NSUN6: variants seen among roughly 807,000 people sequenced by gnomAD.
NSUN6 encodes NOP2/Sun RNA methyltransferase 6.
NSUN6 carries 64 observed loss-of-function variants against 58.0 expected under a neutral mutation model. The ratio of observed to expected loss-of-function variants is 1.10; its 90% CI spans 0.90 to 1.36. The LOEUF is 1.36. Among genes scored for constraint, NSUN6 ranks in the 40% most tolerant of loss-of-function variants. The pLI is 0.00. For missense variants in NSUN6, 701 were observed against 550.1 expected, an observed-to-expected ratio of 1.27 and a Z score of -2.74; for synonymous variants, 231 against 193.9, an observed-to-expected ratio of 1.19 and a Z score of -1.59.
Position 18,545,880 on chromosome 10 carries a change from A to AAAAAAAG in NSUN6, c.*52_*53insCTTTTTT. The AAAAAAAG allele has an allele frequency of 9.2e-7, 1 of 1,085,454 alleles. No individual in the cohort carries two copies. Among genetic ancestry groups the AAAAAAAG allele is most frequent in the South Asian group, 1.4e-5 (1 of 74,070 alleles). The allele number at this position is 1,085,454 out of a possible 1,614,324, so 67.2% of individuals were successfully genotyped here. On this transcript the variant is annotated 3_prime_UTR_variant, in exon 11 of 11. Coordinates refer to ENST00000377304, the MANE Select transcript of NSUN6 (RefSeq NM_182543.5). ...ACAACACTTTGGTTAAAAAAAAAAA[A>AAAAAAAG]ACCACAGACAGCAAATGTTTGGAAT...
At chr10:18,560,138 A>G (rs1203687951) in intron 8 of NSUN6, among the ~76,000 whole-genome samples, 2 of 150,150 alleles carry the variant, frequency 1.3e-5, no homozygotes, top group African/African-American at 4.9e-5. Flanking sequence ...GAGAATGCAG[A>G]ATGGATAATA....
At chr10:18,558,235 G>C (rs1010662998) in intron 8 of NSUN6, among the ~76,000 whole-genome samples, 3 of 150,626 alleles carry the variant, frequency 2.0e-5, no homozygotes, top group Admixed American at 6.7e-5. Flanking sequence ...ATGGAATGGG[G>C]AGTAGTATGG....
chr10:18,625,425 G>A (rs974661361), intron 3 of NSUN6, among the ~76,000 whole-genome samples: 1 of 152,054 alleles, frequency 6.6e-6, no homozygotes, highest in African/African-American at 2.4e-5. Context: ...AAGCTAAGAG[G>A]AAATAGGCTG....
chr10:18,625,709 T>TG (rs2058770768), intron 3 of NSUN6, among the ~76,000 whole-genome samples: 1 of 95,948 alleles, frequency 1.0e-5, no homozygotes, highest in East Asian at 3.4e-4. Flanking sequence ...TGAGACTATG[T>TG]GTTTTTTTTT....
chr10:18,546,005 G>A lies in NSUN6; in HGVS notation c.1338C>T (p.Asp446=), dbSNP rs2054232094. Residue 446 remains aspartate (D), a synonymous_variant, in exon 11 of 11, where the codon GAC becomes GAT. Coordinates refer to ENST00000377304, the MANE Select transcript of NSUN6 (RefSeq NM_182543.5). ...AGTCCTTATTAGCCAGACGCAACAT[G>A]TCTTCTCTTCTGGCCTCTCTAAGAG... is the stretch of plus-strand genomic sequence containing the variant. The part of the protein sequence containing the change: ...MDSLREARRE[D]MLRLANKDSI... 1 of 1,582,864 alleles carries A rather than the reference G, an allele frequency of 6.3e-7. No individual in the cohort carries two copies. Among genetic ancestry groups the A allele is most frequent in the African/African-American group, 1.4e-5 (1 of 72,728 alleles).
At chr10:18,597,834 A>C (rs1202837696) in intron 6 of NSUN6, among the ~76,000 whole-genome samples, 2 of 152,242 alleles carry the variant, frequency 1.3e-5, no homozygotes, top group African/African-American at 2.4e-5. Flanking sequence ...AACATTCTCA[A>C]GGGAATCTAA....
At chr10:18,561,594 A>C (rs2130875062) in intron 8 of NSUN6, among the ~76,000 whole-genome samples, 1 of 138,426 alleles carries the variant, frequency 7.2e-6, no homozygotes, top group South Asian at 2.5e-4. Flanking sequence ...GATGGAATGG[A>C]GAATGGAATG....
intron 8 of NSUN6, among the ~76,000 whole-genome samples, chr10:18,554,372 T>C (rs111208087): frequency 0.012 from 1,700 of 144,342 alleles, 32 homozygotes; most frequent in African/African-American, 0.042. Flanking sequence ...GAGAATGAAA[T>C]GGAATGGAGT....
intron 2 of NSUN6, among the ~76,000 whole-genome samples, chr10:18,646,566 C>G (rs2059552701): frequency 6.6e-6 from 1 of 152,172 alleles, no homozygotes; most frequent in South Asian, 2.1e-4. Context: ...ATAATAAAGC[C>G]AGGCACAAGG....
chr10:18,652,011 T>C, upstream of NSUN6: 1 of 985,384 alleles, frequency 1.0e-6, no homozygotes, highest in Non-Finnish European at 1.2e-6. Flanking sequence ...ATGACATGAT[T>C]TTACCTCTCT....
intron 8 of NSUN6, among the ~76,000 whole-genome samples, chr10:18,578,666 A>T (rs972068499): frequency 2.0e-5 from 3 of 152,164 alleles, no homozygotes; most frequent in African/African-American, 7.2e-5. Flanking sequence ...CTCTCTACTG[A>T]AATACCTTCT....
chr10:18,599,022 A>C (rs934717378), intron 6 of NSUN6, among the ~76,000 whole-genome samples: 16 of 152,176 alleles, frequency 1.1e-4, no homozygotes, highest in African/African-American at 3.6e-4. Flanking sequence ...GGCTTAATTA[A>C]ATATTCAAAT....
chr10:18,637,720 T>C (rs2059264278), intron 3 of NSUN6, among the ~76,000 whole-genome samples: 1 of 152,188 alleles, frequency 6.6e-6, no homozygotes, highest in Non-Finnish European at 1.5e-5. Flanking sequence ...AAACTAAATG[T>C]CTATCAATGG....
chr10:18,651,811 T>G (rs1244539395), upstream of NSUN6: 36 of 985,396 alleles, frequency 3.7e-5, no homozygotes, highest in Non-Finnish European at 4.2e-5. Context: ...GGCGGGATGG[T>G]CAAAGATATT....
Position 18,651,329 on chromosome 10 carries a change from A to G in NSUN6, c.-126T>C. On this transcript the variant is annotated 5_prime_UTR_variant, in exon 1 of 11. Transcript: ENST00000377304. ...GATGCTGAGGAAAATCTTGCCGATC[A>G]CGCTGAGTTAATTTCGGAAATGCAG... is the stretch of plus-strand genomic sequence containing the variant. The G allele has an allele frequency of 7.1e-7, 1 of 1,404,060 alleles. No individual in the cohort carries two copies. The highest frequency in any genetic ancestry group is 9.2e-7 in the Non-Finnish European group (1 of 1,084,820). The allele number at this position is 1,404,060 out of a possible 1,614,324, so 87.0% of individuals were successfully genotyped here.
chr10:18,603,120 CT>C, intron 6 of NSUN6, among the ~76,000 whole-genome samples: 1 of 152,264 alleles, frequency 6.6e-6, no homozygotes, highest in East Asian at 1.9e-4. Flanking sequence ...TGGCAAAACC[CT>C]GTCTCTACTA....
Position 18,651,146 on chromosome 10 carries a change from C to A in NSUN6, c.58G>T (p.Gly20Cys). 6.4e-7 allele frequency: 1 copy of A among 1,574,792 alleles called. No individual in the cohort carries two copies. The highest frequency in any genetic ancestry group is 8.6e-7 in the Non-Finnish European group (1 of 1,168,822). The change falls in exon 1 of 11, where the codon GGC becomes TGC. Residue 20 changes from glycine to cysteine, a missense_variant. Coordinates refer to ENST00000377304, the MANE Select transcript of NSUN6 (RefSeq NM_182543.5). Reference sequence around the variant, plus strand: ...TGACCTACCTCCTTATTCATAAAGCCTTCCTTAAGATAGTTTTCAACCTCA... The same window carrying A: ...TGACCTACCTCCTTATTCATAAAGCATTCCTTAAGATAGTTTTCAACCTCA... ...RPEVENYLKE[G>C]FMNKEIVTAL...
intron 6 of NSUN6, among the ~76,000 whole-genome samples, chr10:18,598,119 C>T (rs1175171319): frequency 6.6e-6 from 1 of 152,216 alleles, no homozygotes; most frequent in Non-Finnish European, 1.5e-5. Flanking sequence ...GCCCCACTCT[C>T]ATCAATGTAC....
intron 8 of NSUN6, among the ~76,000 whole-genome samples, chr10:18,574,365 A>T (rs949078797): frequency 6.6e-6 from 1 of 152,088 alleles, no homozygotes; most frequent in African/African-American, 2.4e-5. Context: ...TTAGAAAAGA[A>T]TGATTTAACA....
Sources: gnomAD v4.1 joint callset for allele counts (sites outside exome capture counted in the v4.1 genomes callset) on GRCh38, gnomAD v4.1.1 for gene constraint, MANE v1.5 for transcripts, NCBI Gene and HGNC (gene_info 2026-07-23, HGNC 2026-07-21) for gene names.